The following P2RX7 variants were observed in gnomAD, a reference collection of about 807,000 sequenced individuals.
P2RX7 encodes P2X purinoceptor 7.
In P2RX7, 62 loss-of-function variants were observed where a neutral mutation model predicts 71.6. That is an observed-to-expected ratio of 0.87 (90% CI 0.71 to 1.07). The LOEUF is 1.07. P2RX7 is among the 50% of genes least tolerant of loss of function. The pLI is 0.00. For missense variants in P2RX7, 686 were observed against 748.5 expected, an observed-to-expected ratio of 0.92 and a Z score of 0.97; for synonymous variants, 299 against 283.3, an observed-to-expected ratio of 1.06 and a Z score of -0.56.
At chr12:121,169,807 G>A (rs1443415710) in intron 8 of P2RX7, among the ~76,000 whole-genome samples, 3 of 152,184 alleles carry the variant, frequency 2.0e-5, no homozygotes, top group African/African-American at 7.2e-5. Flanking sequence ...AGCTACTCAG[G>A]AGGCTGAGGC....
At chr12:121,167,817 A>T (rs978406537) in intron 8 of P2RX7, among the ~76,000 whole-genome samples, 193 bp downstream of exon 8, 18 of 136,840 alleles carry the variant, frequency 1.3e-4, no homozygotes, top group African/African-American at 4.1e-4. Context: ...TTTTTTACTT[A>T]TTTTTTTTTT....
intron 1 of P2RX7, among the ~76,000 whole-genome samples, chr12:121,137,601 C>T (rs1873964873): frequency 6.6e-6 from 1 of 152,198 alleles, no homozygotes; most frequent in Non-Finnish European, 1.5e-5. Flanking sequence ...TATCTATTAA[C>T]GTCTCACTAA....
At chr12:121,161,856 T>G (rs979657081) in intron 4 of P2RX7, among the ~76,000 whole-genome samples, 2 of 147,258 alleles carry the variant, frequency 1.4e-5, no homozygotes, top group East Asian at 2.0e-4. Context: ...AAAAAATCAG[T>G]GGTTATAATG....
At chr12:121,152,104 C>T (rs921072950) in intron 1 of P2RX7, among the ~76,000 whole-genome samples, 1 of 151,918 alleles carries the variant, frequency 6.6e-6, no homozygotes, top group Non-Finnish European at 1.5e-5. Context: ...CTCACCCTCC[C>T]GAGTAGTTGG....
At chr12:121,134,815 T>C (rs192687163) in intron 1 of P2RX7, among the ~76,000 whole-genome samples, 222 of 152,312 alleles carry the variant, frequency 1.5e-3, no homozygotes, top group African/African-American at 5.0e-3. Context: ...ATAATGATGA[T>C]GAAGGCAATT....
Position 121,149,159 on chromosome 12 carries a change from C to T in P2RX7, c.126-5626C>T. 2.2e-6 allele frequency: 1 copy of T among 444,574 alleles called. No homozygotes were observed. The highest frequency in any genetic ancestry group is 4.5e-6 in the Non-Finnish European group (1 of 222,954). 27.5% of individuals were successfully genotyped at this position (444,574 alleles called of 1,614,324 possible). A position where few individuals can be genotyped will look rare whatever the true frequency, so the allele number is the denominator to read the frequency against. ...CATATTCAGAGCATGTGGATTGAGA[C>T]TCTGAAGAACGACTTTATGGTGGGC... On this transcript the variant is annotated intron_variant, in intron 1 of 12. Coordinates refer to ENST00000328963, the MANE Select transcript of P2RX7 (RefSeq NM_002562.6). The surrounding 1 kb of genome is among the most constrained non-coding windows in gnomAD (Gnocchi z 4.7).
At position 121,186,995 on chromosome 12, in the gene P2RX7, T is replaced by C. The variant is rs1884952379; in HGVS notation, c.*2193T>C. The C allele has an allele frequency of 6.6e-6, 1 of 152,210 alleles. No individual in the cohort carries two copies. The highest frequency in any genetic ancestry group is 1.5e-5 in the Non-Finnish European group (1 of 68,040). The allele number at this position is 152,210 out of a possible 1,614,324, so 9.4% of individuals were successfully genotyped here. A position where few individuals can be genotyped will look rare whatever the true frequency, so the allele number is the denominator to read the frequency against. The stretch of plus-strand genomic sequence containing the variant: ...CTGACGCAGTCTGGGTGCTAGCTGC[T>C]TCAAAAGCAACCCACACCACACTTT... On this transcript the variant is annotated 3_prime_UTR_variant, in exon 13 of 13. Coordinates refer to ENST00000328963, the MANE Select transcript of P2RX7 (RefSeq NM_002562.6).
intron 1 of P2RX7, among the ~76,000 whole-genome samples, chr12:121,153,329 C>A (rs959569970): frequency 1.1e-4 from 17 of 152,140 alleles, no homozygotes; most frequent in African/African-American, 4.1e-4. Context: ...AGCAGCTGAG[C>A]AGATAGAAGG....
intron 9 of P2RX7, among the ~76,000 whole-genome samples, chr12:121,175,799 A>AT (rs1246500837): frequency 1.7e-5 from 1 of 57,628 alleles, no homozygotes; most frequent in Non-Finnish European, 4.1e-5. Flanking sequence ...GCTTAAGGGG[A>AT]AAAAAAAAGT....
At position 121,156,998 on chromosome 12, in the gene P2RX7, A is replaced by G. The variant is rs186661010; in HGVS notation, c.363+851A>G. 2.3e-3 allele frequency among the ~76,000 whole-genome samples: 353 copies of G among 152,242 alleles called. 2 individuals are homozygous for G. Among genetic ancestry groups the G allele is most frequent in the African/African-American group, 7.9e-3 (329 of 41,534 alleles). ...GTGAGACCTTGTCTCTAAAAACAAA[A>G]CAAAACAAAAACTGTATTTGTCCTA... is the stretch of plus-strand genomic sequence containing the variant. On this transcript the variant is annotated intron_variant, in intron 3 of 12. Coordinates refer to ENST00000328963, the MANE Select transcript of P2RX7 (RefSeq NM_002562.6).
At position 121,186,574 on chromosome 12, in the gene P2RX7, A is replaced by G. The variant is rs557525783; in HGVS notation, c.*1772A>G. 8 of 152,446 alleles carry G rather than the reference A, an allele frequency of 5.2e-5. No homozygotes were observed. The highest frequency in any genetic ancestry group is 1.7e-4 in the African/African-American group (7 of 41,572). The allele number at this position is 152,446 out of a possible 1,614,324, so 9.4% of individuals were successfully genotyped here. A position where few individuals can be genotyped will look rare whatever the true frequency, so the allele number is the denominator to read the frequency against. On this transcript the variant is annotated 3_prime_UTR_variant, in exon 13 of 13. Transcript: ENST00000328963. ...CCAATGCATTCCGATCCTCATCACA[A>G]TTCTTTGACTGAAGGCCGGGCGTGG...
chr12:121,164,190 AT>A (rs1298856588), intron 5 of P2RX7, among the ~76,000 whole-genome samples: 1 of 152,122 alleles, frequency 6.6e-6, no homozygotes, highest in Non-Finnish European at 1.5e-5. Context: ...TCTGGGCTGG[AT>A]TTTGACGTGA....
At position 121,154,887 on chromosome 12, in the gene P2RX7, G is replaced by T. The variant is rs746705484; in HGVS notation, c.228G>T (p.Val76=). The T allele has an allele frequency of 3.7e-5, 60 of 1,613,984 alleles. No individual in the cohort carries two copies. Among genetic ancestry groups the T allele is most frequent in the Non-Finnish European group, 4.9e-5 (58 of 1,179,970 alleles). Residue 76 remains valine, a synonymous_variant, in exon 2 of 13, where the codon GTG becomes GTT. Transcript: ENST00000328963. This position sits in a 1 kb window ranked among gnomAD's most constrained non-coding sequence, Gnocchi z 4.2. ...TAGCAGAGGTGAAAGAGGAGATCGT[G>T]GAGAATGGAGTGAAGAAGTTGGTGC... The part of the protein sequence containing the change: ...KGIAEVKEEI[V]ENGVKKLVHS...
At chr12:121,141,001 A>C (rs903615610) in intron 1 of P2RX7, among the ~76,000 whole-genome samples, 1 of 151,972 alleles carries the variant, frequency 6.6e-6, no homozygotes, top group Non-Finnish European at 1.5e-5. Flanking sequence ...CAGGAGAATC[A>C]CTTGAACCTG....
intron 5 of P2RX7, 49 bp from the exon 6 acceptor site, chr12:121,165,308 C>G (rs1880773816): frequency 6.7e-7 from 1 of 1,482,048 alleles, no homozygotes; most frequent in African/African-American, 1.4e-5. Flanking sequence ...CCATGGGCTC[C>G]CTCGGTTCCC....
At chr12:121,179,457 G>A (rs2686379) in intron 11 of P2RX7, among the ~76,000 whole-genome samples, 57,990 of 148,926 alleles carry the variant, frequency 0.39, 11,638 homozygotes, top group African/African-American at 0.45. Flanking sequence ...CCAGGATTGC[G>A]CCATTGCACT....
chr12:121,164,833 G>GA (rs942865711), intron 5 of P2RX7, among the ~76,000 whole-genome samples: 14 of 151,700 alleles, frequency 9.2e-5, no homozygotes, highest in South Asian at 2.1e-4. Flanking sequence ...AATACTTTAC[G>GA]AAAAAAAAGA....
intron 1 of P2RX7, among the ~76,000 whole-genome samples, chr12:121,151,452 C>A (rs975369295): frequency 6.6e-6 from 1 of 151,872 alleles, no homozygotes; most frequent in Non-Finnish European, 1.5e-5. Flanking sequence ...GGTTTCGAAC[C>A]CAGGACCTCA....
In P2RX7 at chr12:121,142,709, A is replaced by G. The variant is rs373950861; in HGVS notation, c.125+9614A>G. On this transcript the variant is annotated intron_variant, in intron 1 of 12. Transcript: ENST00000328963. ...TCTTCTCCTCTTTGTGTGTGTGTCA[A>G]ATCTCCTTCTGCCTCTCTTATAAGG... Among the ~76,000 whole-genome samples, 14 of 152,214 alleles carry G rather than the reference A, an allele frequency of 9.2e-5. No individual in the cohort carries two copies. In the South Asian group the frequency reaches 1.0e-3, roughly 11 times the overall value.
Sources: gnomAD v4.1 joint callset for allele counts (sites outside exome capture counted in the v4.1 genomes callset) on GRCh38, gnomAD v4.1.1 for gene constraint, Gnocchi (gnomAD v3.1) non-coding constraint, MANE v1.5 for transcripts, NCBI Gene and HGNC (gene_info 2026-07-23, HGNC 2026-07-21) for gene names.